FAM219A: variants seen among roughly 807,000 people sequenced by gnomAD.
FAM219A encodes the protein protein FAM219A.
A neutral mutation model predicts 23.4 loss-of-function variants in FAM219A; 7 were observed. The ratio of observed to expected loss-of-function variants is 0.30; its 90% CI spans 0.17 to 0.56. The LOEUF (loss-of-function observed/expected upper bound fraction) is 0.56, where lower values mean the gene tolerates loss of function less well. FAM219A is among the 20% of genes least tolerant of loss of function. The probability of loss-of-function intolerance (pLI) is 0.92; values close to 1 mark genes in which losing one functional copy is unlikely to be tolerated. For missense variants in FAM219A, 166 were observed against 246.9 expected, an observed-to-expected ratio of 0.67 and a Z score of 2.20; for synonymous variants, 93 against 99.0, an observed-to-expected ratio of 0.94 and a Z score of 0.36.
At chr9:34,442,083 T>C (rs1273510758) in intron 1 of FAM219A, among the ~76,000 whole-genome samples, 1 of 152,232 alleles carries the variant, frequency 6.6e-6, no homozygotes, top group Non-Finnish European at 1.5e-5. Flanking sequence ...TGTTATGTGC[T>C]TCCTGGTATG....
At chr9:34,402,600 C>CA in intron 3 of FAM219A, 105 bp downstream of exon 3, 3 of 1,552,444 alleles carry the variant, frequency 1.9e-6, no homozygotes, top group South Asian at 1.2e-5. Context: ...TGTCTCCTCT[C>CA]AGAGAGGAGC....
chr9:34,420,462 C>G (rs917336141), intron 1 of FAM219A, among the ~76,000 whole-genome samples: 1 of 152,218 alleles, frequency 6.6e-6, no homozygotes, highest in Non-Finnish European at 1.5e-5. Flanking sequence ...GGCTAGGACT[C>G]TACTTTTCGT....
intron 1 of FAM219A, among the ~76,000 whole-genome samples, chr9:34,433,380 A>G (rs181095869): frequency 1.2e-3 from 184 of 152,346 alleles, no homozygotes; most frequent in East Asian, 4.4e-3. Flanking sequence ...TATCTTTAAA[A>G]AAAATTATCA....
intron 1 of FAM219A, among the ~76,000 whole-genome samples, chr9:34,410,720 C>T (rs1320512142): frequency 3.9e-5 from 6 of 152,188 alleles, no homozygotes; most frequent in South Asian, 2.1e-4. Context: ...GGAAGACAAT[C>T]TACACAATCC....
intron 4 of FAM219A, 34 bp downstream of exon 4, chr9:34,402,353 G>C (rs1376156988): frequency 1.9e-6 from 3 of 1,614,110 alleles, no homozygotes; most frequent in Non-Finnish European, 2.5e-6. Context: ...GGTTCCTTTG[G>C]GCTGCCCAGC....
At chr9:34,456,599 C>T (rs1823738647) in intron 1 of FAM219A, among the ~76,000 whole-genome samples, 1 of 152,184 alleles carries the variant, frequency 6.6e-6, no homozygotes, top group South Asian at 2.1e-4. Context: ...TCTCGTTTGA[C>T]AAGCCAGGTT....
At position 34,402,776 on chromosome 9, in the gene FAM219A, G is replaced by A. The variant is rs1438357657; in HGVS notation, c.192C>T (p.Ser64=). The A allele has an allele frequency of 1.2e-6, 2 of 1,614,072 alleles. No homozygotes were observed. The highest frequency in any genetic ancestry group is 1.1e-5 in the South Asian group (1 of 91,094). Residue 64 remains serine, a synonymous_variant, in exon 3 of 6, where the codon TCC becomes TCT. Coordinates refer to ENST00000651358, the MANE Select transcript of FAM219A (RefSeq NM_001184940.2). ...EKQRELARKG[S]LKNGSMGSPV... ...GGCTACCCATGCTGCCATTCTTCAG[G>A]GAGCCCTTCCGGGCCAGCTCCCGCT...
chr9:34,416,251 GAAAGAAAGGGGGAGGGA>G (rs1822015328), intron 1 of FAM219A, among the ~76,000 whole-genome samples: 1 of 126,886 alleles, frequency 7.9e-6, no homozygotes, highest in Non-Finnish European at 1.6e-5. Flanking sequence ...AAGAAAGAAA[GAAAGAAAGGGGGAGGGA>G]GGGAGGGAAG....
intron 1 of FAM219A, among the ~76,000 whole-genome samples, chr9:34,428,933 T>C (rs1822591132): frequency 6.6e-6 from 1 of 152,256 alleles, no homozygotes; most frequent in Non-Finnish European, 1.5e-5. Flanking sequence ...AGGGACAGCC[T>C]GGATCCAGAT....
chr9:34,425,912 A>T (rs922035824), intron 1 of FAM219A, among the ~76,000 whole-genome samples: 48 of 152,242 alleles, frequency 3.2e-4, no homozygotes, highest in Non-Finnish European at 7.3e-5. Context: ...GGTGCATTTT[A>T]AGTAACCCAA....
chr9:34,434,842 C>T (rs1223106731), intron 1 of FAM219A, among the ~76,000 whole-genome samples: 1 of 151,782 alleles, frequency 6.6e-6, no homozygotes, highest in Non-Finnish European at 1.5e-5. Flanking sequence ...TTTTTTGAGA[C>T]AGAGTCTCAC....
intron 1 of FAM219A, among the ~76,000 whole-genome samples, chr9:34,422,250 G>A (rs1426373622): frequency 2.0e-5 from 3 of 152,138 alleles, no homozygotes; most frequent in African/African-American, 2.4e-5. Context: ...CCAGAGGTAC[G>A]GCCATGGTGC....
chr9:34,402,811 C>A lies in FAM219A; in HGVS notation c.161-4G>T. On this transcript the variant is annotated splice_region_variant and splice_polypyrimidine_tract_variant and intron_variant, in intron 2 of 5. Coordinates refer to ENST00000651358, the MANE Select transcript of FAM219A (RefSeq NM_001184940.2). ...CGGGCCAGCTCCCGCTGCTTCTCTG[C>A]AGGAGAACATGGGAAGGAAGCTGTG... 1 of 1,613,772 alleles carries A rather than the reference C, an allele frequency of 6.2e-7. No individual in the cohort carries two copies. The highest frequency in any genetic ancestry group is 8.5e-7 in the Non-Finnish European group (1 of 1,179,780).
intron 1 of FAM219A, among the ~76,000 whole-genome samples, chr9:34,449,006 A>AG (rs1554680558): frequency 6.7e-5 from 10 of 150,330 alleles, no homozygotes; most frequent in Admixed American, 4.6e-4. Context: ...AAAAAAAAAA[A>AG]AACCTCAGCC....
intron 1 of FAM219A, among the ~76,000 whole-genome samples, chr9:34,428,265 G>A (rs1822560195): frequency 1.3e-5 from 2 of 152,146 alleles, no homozygotes; most frequent in Non-Finnish European, 2.9e-5. Context: ...AGACATAAGG[G>A]CAAACAGATG....
chr9:34,447,357 A>T (rs1292180041), intron 1 of FAM219A, among the ~76,000 whole-genome samples: 1 of 152,212 alleles, frequency 6.6e-6, no homozygotes, highest in Non-Finnish European at 1.5e-5. Context: ...ATAGAAGTAC[A>T]ATATCAATAT....
chr9:34,416,388 C>T (rs1159903544), intron 1 of FAM219A, among the ~76,000 whole-genome samples: 1 of 151,898 alleles, frequency 6.6e-6, no homozygotes, highest in Non-Finnish European at 1.5e-5. Context: ...TCTTTCTTAG[C>T]TTCAGTTGGG....
chr9:34,418,193 G>A (rs773604140), intron 1 of FAM219A, among the ~76,000 whole-genome samples: 12 of 150,232 alleles, frequency 8.0e-5, no homozygotes, highest in Admixed American at 1.3e-4. Context: ...AGCTGGTAGT[G>A]AGATGGTAAA....
At chr9:34,447,924 T>C (rs1206244976) in intron 1 of FAM219A, among the ~76,000 whole-genome samples, 2 of 151,382 alleles carry the variant, frequency 1.3e-5, no homozygotes, top group African/African-American at 4.9e-5. Flanking sequence ...TAGGCTAGAG[T>C]GTAATAGTGC....
Sources: allele counts gnomAD v4.1 joint callset (sites outside exome capture counted in the v4.1 genomes callset), GRCh38; gene constraint gnomAD v4.1.1; transcripts MANE v1.5; gene names NCBI Gene and HGNC (gene_info 2026-07-23, HGNC 2026-07-21).